FSTL4: variants seen among roughly 807,000 people sequenced by gnomAD.
FSTL4 encodes the protein follistatin-related protein 4.
Under a neutral mutation model 78.2 loss-of-function variants are expected in FSTL4, and 28 were observed. That is an observed-to-expected ratio of 0.36 (90% CI 0.27 to 0.49). The LOEUF (loss-of-function observed/expected upper bound fraction) is 0.49, where lower values mean the gene tolerates loss of function less well. Among genes scored for constraint, FSTL4 ranks in the 20% least tolerant of loss-of-function variants. The probability of loss-of-function intolerance (pLI) is 0.98; values close to 1 mark genes in which losing one functional copy is unlikely to be tolerated. For missense variants in FSTL4, 922 were observed against 1,084.9 expected, an observed-to-expected ratio of 0.85 and a Z score of 2.11; for synonymous variants, 422 against 440.5, an observed-to-expected ratio of 0.96 and a Z score of 0.53.
chr5:133,307,180 C>T (rs1293304460), intron 6 of FSTL4, among the ~76,000 whole-genome samples: 1 of 152,184 alleles, frequency 6.6e-6, no homozygotes, highest in Non-Finnish European at 1.5e-5. Context: ...GGAGTCCACA[C>T]TCTTAATAAT....
At chr5:133,431,499 G>A (rs1365817846) in intron 3 of FSTL4, among the ~76,000 whole-genome samples, 1 of 152,202 alleles carries the variant, frequency 6.6e-6, no homozygotes, top group African/African-American at 2.4e-5. Flanking sequence ...GAGATACTCT[G>A]AGACTACAAG....
intron 3 of FSTL4, among the ~76,000 whole-genome samples, chr5:133,488,001 C>T (rs1384836043): frequency 6.6e-6 from 1 of 152,140 alleles, no homozygotes; most frequent in East Asian, 1.9e-4. Flanking sequence ...CAGCCTTTTG[C>T]AGATGGGAAA....
At chr5:133,619,216 C>A in the FSTL4 span, among the ~76,000 whole-genome samples, 2 of 152,136 alleles carry the variant, frequency 1.3e-5, no homozygotes, top group East Asian at 3.9e-4. Context: ...GTATAAGACA[C>A]CCCTAGACCC....
At chr5:133,230,463 T>G (rs1355055245) in intron 8 of FSTL4, among the ~76,000 whole-genome samples, 3 of 152,162 alleles carry the variant, frequency 2.0e-5, no homozygotes, top group Non-Finnish European at 4.4e-5. Flanking sequence ...GAATGAATCA[T>G]TCCCTTAAAA....
chr5:133,799,672 T>C, the FSTL4 span, among the ~76,000 whole-genome samples: 1 of 138,772 alleles, frequency 7.2e-6, no homozygotes, highest in Non-Finnish European at 1.6e-5. Flanking sequence ...TGCAAATTCT[T>C]ACCCATCTCA....
chr5:133,544,094 T>A (rs1457100825), intron 3 of FSTL4, among the ~76,000 whole-genome samples: 2 of 152,166 alleles, frequency 1.3e-5, no homozygotes, highest in Non-Finnish European at 2.9e-5. Context: ...TCTGCCAAAC[T>A]TTTAAAGTTA....
the FSTL4 span, among the ~76,000 whole-genome samples, chr5:133,815,839 G>T: frequency 6.6e-6 from 1 of 152,132 alleles, no homozygotes; most frequent in South Asian, 2.1e-4. Flanking sequence ...CTTGATACAA[G>T]TACCCAGAAT....
At chr5:133,207,192 A>C (rs1221525024) in intron 14 of FSTL4, among the ~76,000 whole-genome samples, 1 of 152,096 alleles carries the variant, frequency 6.6e-6, no homozygotes, top group African/African-American at 2.4e-5. Context: ...TTTTCCTGTC[A>C]TCTTGTCTCT....
intron 6 of FSTL4, among the ~76,000 whole-genome samples, chr5:133,303,810 A>C (rs113924737): frequency 1.3e-5 from 2 of 152,204 alleles, no homozygotes; most frequent in African/African-American, 4.8e-5. Context: ...TTTACCTTTC[A>C]GAAGCATGCC....
intron 3 of FSTL4, among the ~76,000 whole-genome samples, chr5:133,556,681 C>A (rs540979534): frequency 1.3e-5 from 2 of 152,228 alleles, no homozygotes; most frequent in East Asian, 3.9e-4. Context: ...AAGTTCAGGG[C>A]TCCTGAACAG....
At chr5:133,417,348 T>C (rs1243446573) in intron 3 of FSTL4, among the ~76,000 whole-genome samples, 1 of 142,884 alleles carries the variant, frequency 7.0e-6, no homozygotes, top group Non-Finnish European at 1.5e-5. Flanking sequence ...GAAAAAAGAA[T>C]GAAAAAAAAA....
At chr5:133,532,984 T>A (rs550747954) in intron 3 of FSTL4, among the ~76,000 whole-genome samples, 2 of 152,140 alleles carry the variant, frequency 1.3e-5, no homozygotes, top group Non-Finnish European at 2.9e-5. Flanking sequence ...AGAGACCCTG[T>A]CTCAGCTGTG....
chr5:133,199,941 G>T lies in FSTL4; in HGVS notation c.1827-144C>A, dbSNP rs1383145520. The T allele has an allele frequency of 1.3e-5, 8 of 598,136 alleles. No individual in the cohort carries two copies. Among genetic ancestry groups the T allele is most frequent in the Non-Finnish European group, 2.4e-5 (8 of 332,370 alleles). 37.1% of individuals were successfully genotyped at this position (598,136 alleles called of 1,614,324 possible). ...GCCTAGTAATAAGATCTATCATTCT[G>T]CAGGGGATGTCTTCATAAACAAATA... On this transcript the variant is annotated intron_variant, in intron 15 of 15. Coordinates refer to ENST00000265342, the MANE Select transcript of FSTL4 (RefSeq NM_015082.2). The surrounding 1 kb of genome is among the most constrained non-coding windows in gnomAD (Gnocchi z 4.4).
the FSTL4 span, among the ~76,000 whole-genome samples, chr5:133,797,877 CT>C: frequency 6.6e-6 from 1 of 152,174 alleles, no homozygotes; most frequent in Non-Finnish European, 1.5e-5. Flanking sequence ...CCCAGCCAAC[CT>C]CCTGCTTCAA....
rs1750341607 is a variant in FSTL4 at position 133,202,096 on chromosome 5, C to G, written c.1717-54G>C. On this transcript the variant is annotated intron_variant, in intron 14 of 15. Coordinates refer to ENST00000265342, the MANE Select transcript of FSTL4 (RefSeq NM_015082.2). ...GGGCCCATGCAGGTGGGGGCTGAAC[C>G]TGGAGACACCTGTACGCTCAGGTGG... 2.6e-6 allele frequency: 3 copies of G among 1,143,632 alleles called. No individual in the cohort carries two copies. In the South Asian group the frequency reaches 4.5e-5, roughly 17 times the overall value. 70.8% of individuals were successfully genotyped at this position (1,143,632 alleles called of 1,614,324 possible). A position where few individuals can be genotyped will look rare whatever the true frequency, so the allele number is the denominator to read the frequency against.
the FSTL4 span, among the ~76,000 whole-genome samples, chr5:133,826,528 C>T: frequency 6.6e-6 from 1 of 152,178 alleles, no homozygotes; most frequent in Non-Finnish European, 1.5e-5. Context: ...CTTGTGGCCG[C>T]ATCACTCCAA....
At chr5:133,374,337 G>T (rs1755383023) in intron 4 of FSTL4, among the ~76,000 whole-genome samples, 1 of 152,148 alleles carries the variant, frequency 6.6e-6, no homozygotes. Context: ...GGAGGAAAGG[G>T]GTCCACACAG....
chr5:133,814,399 G>A, the FSTL4 span, among the ~76,000 whole-genome samples: 1 of 152,182 alleles, frequency 6.6e-6, no homozygotes, highest in Non-Finnish European at 1.5e-5. Flanking sequence ...GGGTGTGGCT[G>A]GAGGGTGTTG....
At chr5:133,836,603 C>T in the FSTL4 span, among the ~76,000 whole-genome samples, 2 of 151,404 alleles carry the variant, frequency 1.3e-5, no homozygotes, top group Non-Finnish European at 2.9e-5. Flanking sequence ...TTCCATGTTT[C>T]CATCTGGGAT....
Sources: allele counts gnomAD v4.1 joint callset (sites outside exome capture counted in the v4.1 genomes callset), GRCh38; gene constraint gnomAD v4.1.1; non-coding constraint Gnocchi (gnomAD v3.1); transcripts MANE v1.5; gene names NCBI Gene and HGNC (gene_info 2026-07-23, HGNC 2026-07-21).